COPZ2: variants seen among roughly 807,000 people sequenced by gnomAD.
COPZ2 encodes coatomer subunit zeta-2.
A neutral mutation model predicts 33.2 loss-of-function variants in COPZ2; 30 were observed. That is an observed-to-expected ratio of 0.90 (90% confidence interval 0.68 to 1.23). The LOEUF is 1.23. COPZ2 is among the 50% of genes most tolerant of loss of function. The probability of loss-of-function intolerance (pLI) is 0.00; values close to 1 mark genes in which losing one functional copy is unlikely to be tolerated. For missense variants in COPZ2, 263 were observed against 262.4 expected (o/e 1.00, Z -0.02); for synonymous variants, 89 against 102.6 (o/e 0.87, Z 0.80).
intron 6 of COPZ2, among the ~76,000 whole-genome samples, chr17:48,029,649 C>T (rs2036863303): frequency 7.0e-6 from 1 of 142,834 alleles, no homozygotes; most frequent in African/African-American, 2.6e-5. Flanking sequence ...TCAGCATCTA[C>T]CTTCTCCCCT....
the COPZ2 span, chr17:48,045,001 G>A: frequency 6.6e-6 from 1 of 152,072 alleles, no homozygotes; most frequent in East Asian, 1.9e-4. Context: ...CTGTTGCCCA[G>A]ACTGGAGTGC....
intron 3 of COPZ2, 41 bp from the exon 4 acceptor site, chr17:48,033,343 G>T: frequency 8.4e-7 from 1 of 1,190,656 alleles, no homozygotes. Flanking sequence ...CACCTTGCCT[G>T]GTCCTAGCCT....
intron 6 of COPZ2, among the ~76,000 whole-genome samples, chr17:48,030,892 C>T (rs1482906353): frequency 2.6e-5 from 4 of 152,230 alleles, no homozygotes. Context: ...ATTGTATATG[C>T]TTCTGGCTCC....
upstream of COPZ2, among the ~76,000 whole-genome samples, chr17:48,039,480 A>C (rs1304535826): frequency 6.6e-6 from 1 of 151,620 alleles, no homozygotes; most frequent in Non-Finnish European, 1.5e-5. Flanking sequence ...CAAAAAAAAA[A>C]AAAAGAAGAA....
At chr17:48,046,266 T>C in the COPZ2 span, 1 of 152,250 alleles carries the variant, frequency 6.6e-6, no homozygotes, top group African/African-American at 2.4e-5. Context: ...TTCTCAAAAT[T>C]GTCTTGTAGT....
chr17:48,027,436 G>A (rs1342503801), intron 8 of COPZ2, among the ~76,000 whole-genome samples: 1 of 152,216 alleles, frequency 6.6e-6, no homozygotes, highest in Non-Finnish European at 1.5e-5. Context: ...CAGAGAGGTT[G>A]AGTAACTTGC....
the COPZ2 span, chr17:48,045,928 G>A: frequency 6.6e-6 from 1 of 152,204 alleles, no homozygotes; most frequent in Non-Finnish European, 1.5e-5. Context: ...TTCTGGGAAA[G>A]CTTGCACCTG....
chr17:48,038,693 G>C (rs987142947), upstream of COPZ2, among the ~76,000 whole-genome samples: 4 of 152,130 alleles, frequency 2.6e-5, no homozygotes, highest in African/African-American at 9.7e-5. Flanking sequence ...TAGTTGACTG[G>C]GGATAGAACC....
intron 6 of COPZ2, chr17:48,031,751 G>A (rs140424925): frequency 5.3e-5 from 11 of 205,998 alleles, no homozygotes; most frequent in East Asian, 2.6e-4. Context: ...CCCAGGTCAC[G>A]CATCTAGCTT....
intron 6 of COPZ2, chr17:48,031,937 T>A: frequency 1.0e-5 from 6 of 595,468 alleles, no homozygotes; most frequent in South Asian, 9.9e-5. Flanking sequence ...CAGGTTAGTC[T>A]CTTGTTTGGC....
At position 48,036,909 on chromosome 17, in the gene COPZ2, A is replaced by G. The variant is rs1358945442; in HGVS notation, c.128T>C (p.Leu43Pro). Residue 43 changes from leucine to proline, a missense_variant, in exon 2 of 9, where the codon CTC (leucine) becomes CCC (proline). Transcript: ENST00000621465. ...GATGAAAACAGCCTTGATGGTGTAG[A>G]GGGAAGGTTCCTGCAACTGACACCG... is the stretch of plus-strand genomic sequence containing the variant. ...PSGLRLQEPS[L>P]YTIKAVFILD... The G allele has an allele frequency of 1.2e-6, 2 of 1,613,788 alleles. No individual in the cohort carries two copies. Among genetic ancestry groups the G allele is most frequent in the African/African-American group, 2.7e-5 (2 of 74,892 alleles).
intron 6 of COPZ2, among the ~76,000 whole-genome samples, chr17:48,031,391 G>A (rs1307083327): frequency 1.3e-5 from 2 of 151,630 alleles, no homozygotes; most frequent in African/African-American, 4.8e-5. Context: ...GGTGGAGCTT[G>A]CAGTGAGCCG....
chr17:48,046,712 ATTG>A, the COPZ2 span: 2 of 152,058 alleles, frequency 1.3e-5, no homozygotes, highest in Admixed American at 1.3e-4. Flanking sequence ...CTCCTATTTT[ATTG>A]TTAACATGCC....
chr17:48,026,459 T>C lies in COPZ2; in HGVS notation c.602A>G (p.Lys201Arg), dbSNP rs749546938. The part of the protein sequence containing the change: ...QSVAQVLQSA[K>R]EQIKWSLLK ...CAATAACGACCATTTAATTTGTTCC[T>C]TGGCAGACTGAAGAACCTGGGGTGG... The change falls in exon 9 of 9, where the codon AAG becomes AGG. Residue 201 changes from lysine (K) to arginine (R), a missense_variant. Transcript: ENST00000621465. 2 of 1,613,306 alleles carry C rather than the reference T, an allele frequency of 1.2e-6. No individual in the cohort carries two copies. The highest frequency in any genetic ancestry group is 8.5e-7 in the Non-Finnish European group (1 of 1,179,332).
At chr17:48,039,388 C>T (rs2037038228), upstream of COPZ2, among the ~76,000 whole-genome samples, 1 of 151,694 alleles carries the variant, frequency 6.6e-6, no homozygotes, top group African/African-American at 2.4e-5. Context: ...GGGAGAATCA[C>T]CCGAGTCTGG....
At position 48,028,557 on chromosome 17, in the gene COPZ2, T is replaced by C. The variant is rs759790156; in HGVS notation, c.547-47A>G. Reference sequence around the variant, plus strand: ...GGGTGGGGTAGGGCCAGCATGAGGGTCCTGGGTCAGGGAGGTGAAGGAAAG... The same window carrying C: ...GGGTGGGGTAGGGCCAGCATGAGGGCCCTGGGTCAGGGAGGTGAAGGAAAG... On this transcript the variant is annotated intron_variant, in intron 7 of 8. Coordinates refer to ENST00000621465, the MANE Select transcript of COPZ2 (RefSeq NM_016429.4). This position sits in a 1 kb window ranked among gnomAD's most constrained non-coding sequence, Gnocchi z 4.5. 1.1e-5 allele frequency: 17 copies of C among 1,584,850 alleles called. No homozygotes were observed. The highest frequency in any genetic ancestry group is 5.4e-5 in the Admixed American group (3 of 55,778).
At chr17:48,038,165 G>C (rs2037023106), upstream of COPZ2, 1 of 152,388 alleles carries the variant, frequency 6.6e-6, no homozygotes, top group South Asian at 2.1e-4. Context: ...CCTCTGGTAG[G>C]TACCATGAGG....
chr17:48,030,545 A>C (rs1467005503), intron 6 of COPZ2, among the ~76,000 whole-genome samples: 2 of 152,034 alleles, frequency 1.3e-5, no homozygotes, highest in African/African-American at 4.8e-5. Flanking sequence ...TTTGTTACTA[A>C]ATCACTGGAA....
intron 6 of COPZ2, 46 bp from the exon 7 acceptor site, chr17:48,029,222 C>G: frequency 6.6e-7 from 1 of 1,524,416 alleles, no homozygotes. Flanking sequence ...GTGGCACAAT[C>G]CTCCCCTCCG....
Sources: allele counts gnomAD v4.1 joint callset (sites outside exome capture counted in the v4.1 genomes callset), GRCh38; gene constraint gnomAD v4.1.1; non-coding constraint Gnocchi (gnomAD v3.1); transcripts MANE v1.5; gene names NCBI Gene and HGNC (gene_info 2026-07-23, HGNC 2026-07-21).